The following MIP variants were observed in gnomAD, a reference collection of about 807,000 sequenced individuals.
MIP encodes lens fiber major intrinsic protein.
A neutral mutation model predicts 21.8 loss-of-function variants in MIP; 14 were observed. The ratio of observed to expected loss-of-function variants is 0.64; its 90% CI spans 0.42 to 1.00. MIP has a LOEUF of 1.00. MIP is among the 50% of genes least tolerant of loss of function. The pLI is 0.00. For missense variants in MIP, 260 were observed against 333.5 expected (o/e 0.78, Z 1.72); for synonymous variants, 133 against 141.4 (o/e 0.94, Z 0.42).
chr12:56,452,628 C>T (rs901034775), intron 3 of MIP: 12 of 214,332 alleles, frequency 5.6e-5, no homozygotes, highest in Non-Finnish European at 8.7e-5. Context: ...ACACATTTCT[C>T]GTAATGTCCC....
At chr12:56,452,193 C>T (rs145538474) in intron 3 of MIP, among the ~76,000 whole-genome samples, 63 of 152,278 alleles carry the variant, frequency 4.1e-4, no homozygotes, top group South Asian at 8.3e-4. Context: ...TTCCACCCCA[C>T]CCCCATCAGC....
rs1225956755 is a variant in MIP, at chr12:56,451,460, G to A, written c.612C>T (p.Tyr204=). The change falls in exon 4 of 4, where the codon TAC becomes TAT. Residue 204 remains tyrosine (Y), a synonymous_variant. Coordinates refer to ENST00000652304, the MANE Select transcript of MIP (RefSeq NM_012064.4). ...LTGNFTNHWV[Y]WVGPIIGGGL... is the part of the protein sequence containing the mutation. Reference sequence around the variant, plus strand: ...CCCCTCCAATGATTGGGCCTACCCAGTACACCTGTAGAAAGAGAAAAGGAA... The same window carrying A: ...CCCCTCCAATGATTGGGCCTACCCAATACACCTGTAGAAAGAGAAAAGGAA... 1 of 1,613,912 alleles carries A rather than the reference G, an allele frequency of 6.2e-7. No individual in the cohort carries two copies. Among genetic ancestry groups the A allele is most frequent in the Non-Finnish European group, 8.5e-7 (1 of 1,179,966 alleles).
intron 2 of MIP, 39 bp from the exon 3 acceptor site, chr12:56,453,191 T>C (rs769472444): frequency 3.5e-6 from 5 of 1,424,302 alleles, no homozygotes; most frequent in South Asian, 1.1e-5. Flanking sequence ...ACCCCCCTAC[T>C]GCACCCCAGC....
chr12:56,451,903 G>A (rs1394974823), intron 3 of MIP, among the ~76,000 whole-genome samples: 2 of 152,096 alleles, frequency 1.3e-5, no homozygotes, highest in Non-Finnish European at 1.5e-5. Context: ...GTAGCTGGGC[G>A]TGGTGGCAGG....
chr12:56,453,501 G>A (rs1470051511), intron 2 of MIP, 90 bp downstream of exon 2: 4 of 1,416,052 alleles, frequency 2.8e-6, no homozygotes, highest in Non-Finnish European at 3.0e-6. Context: ...ATGTTTGACA[G>A]TGAAGTAGGC....
At position 56,453,738 on chromosome 12, in the gene MIP, G is replaced by A. The variant is rs35033450; in HGVS notation, c.378C>T (p.Ser126=). ...LALNTLHPAV[S]VGQATTVEIF... ...TCTCCACTGTGGTTGCCTGGCCCAC[G>A]CTCACCGCAGGGTGCAACTGTGCAA... The change falls in exon 2 of 4, where the codon AGC becomes AGT. Residue 126 remains serine, a synonymous_variant. Coordinates refer to ENST00000652304, the MANE Select transcript of MIP (RefSeq NM_012064.4). 410 of 1,613,746 alleles carry A rather than the reference G, an allele frequency of 2.5e-4. 3 individuals carry two copies. The East Asian group carries it at 6.4e-3, about 25-fold the overall frequency.
rs1190373280 is a variant in MIP at position 56,450,084 on chromosome 12, T to C, written c.*1196A>G. The stretch of plus-strand genomic sequence containing the variant: ...AGGGCTCAAACAAATAATAATCTCC[T>C]GAATTATTAAGCATTTGAATAGAAG... On this transcript the variant is annotated 3_prime_UTR_variant, in exon 4 of 4. Transcript: ENST00000652304. 1 of 151,532 alleles carries C rather than the reference T, an allele frequency of 6.6e-6. No homozygotes were observed. The highest frequency in any genetic ancestry group is 6.6e-5 in the Admixed American group (1 of 15,196). The allele number at this position is 151,532 out of a possible 1,614,324, so 9.4% of individuals were successfully genotyped here.
rs1296979567 is a variant in MIP, at chr12:56,453,762, A to C, written c.361-7T>G. On this transcript the variant is annotated splice_polypyrimidine_tract_variant and splice_region_variant and intron_variant, in intron 1 of 3. Transcript: ENST00000652304. ...CGCTCACCGCAGGGTGCAACTGTGC[A>C]AAGGAAGAAGAAGAGAGACAGCTCA... 6.2e-7 allele frequency: 1 copy of C among 1,612,264 alleles called. No homozygotes were observed. The highest frequency in any genetic ancestry group is 2.2e-5 in the East Asian group (1 of 44,860).
chr12:56,453,027 C>T, intron 3 of MIP, 45 bp downstream of exon 3: 1 of 1,335,570 alleles, frequency 7.5e-7, no homozygotes, highest in Non-Finnish European at 1.1e-6. Context: ...CAGTCCACAA[C>T]CATCCAGAAG....
intron 3 of MIP, chr12:56,452,729 G>C (rs1565694048): frequency 2.7e-6 from 1 of 370,632 alleles, no homozygotes; most frequent in African/African-American, 2.1e-5. Context: ...GAATGGGGCT[G>C]AGGCCCATCT....
Position 56,454,466 on chromosome 12 carries a change from A to G in MIP, c.148T>C (p.Leu50=). ...HVLQVAMAFG[L]ALATLVQSVG... is the part of the protein sequence containing the mutation. Reference sequence around the variant, plus strand: ...GACTGCACCAGTGTAGCCAGGGCCAAGCCAAATGCCATAGCCACCTGCAGA... The same window carrying G: ...GACTGCACCAGTGTAGCCAGGGCCAGGCCAAATGCCATAGCCACCTGCAGA... The change falls in exon 1 of 4, where the codon TTG becomes CTG. Residue 50 remains leucine (L), a synonymous_variant. Coordinates refer to ENST00000652304, the MANE Select transcript of MIP (RefSeq NM_012064.4). 2 of 1,613,512 alleles carry G rather than the reference A, an allele frequency of 1.2e-6. No homozygotes were observed. Among genetic ancestry groups the G allele is most frequent in the Non-Finnish European group, 1.7e-6 (2 of 1,179,528 alleles).
In MIP at chr12:56,451,484, A is replaced by C; in HGVS notation, c.607-19T>G. ...AGTACACCTGTAGAAAGAGAAAAGG[A>C]ATACTCAGGCTTGGGGAGGGGACAG... On this transcript the variant is annotated intron_variant, in intron 3 of 3. Transcript: ENST00000652304. 3 of 1,612,738 alleles carry C rather than the reference A, an allele frequency of 1.9e-6. No individual in the cohort carries two copies. The highest frequency in any genetic ancestry group is 2.5e-6 in the Non-Finnish European group (3 of 1,178,952).
chr12:56,454,204 A>G, intron 1 of MIP, 50 bp downstream of exon 1: 3 of 1,613,246 alleles, frequency 1.9e-6, no homozygotes, highest in Non-Finnish European at 2.5e-6. Flanking sequence ...AGTCAGGGCA[A>G]TAGAGAGACA....
chr12:56,452,647 G>A, intron 3 of MIP: 1 of 222,174 alleles, frequency 4.5e-6, no homozygotes, highest in South Asian at 6.7e-5. Flanking sequence ...CCATTTTATA[G>A]TAAAACAAAC....
chr12:56,451,400 GA>G lies in MIP; in HGVS notation c.671del (p.Phe224SerfsTer35). 6.2e-7 allele frequency: 1 copy of G among 1,614,142 alleles called. No homozygotes were observed. The highest frequency in any genetic ancestry group is 8.5e-7 in the Non-Finnish European group (1 of 1,180,032). ...LGSLLYDFLL[F>X]PRLKSISERL... The stretch of plus-strand genomic sequence containing the variant: ...TCTCAGAAATACTCTTGAGCCGGGG[GA>G]AGAGAAGAAAGTCGTACAGGAGGCT... On this transcript the variant is annotated frameshift_variant, in exon 4 of 4. Coordinates refer to ENST00000652304, the MANE Select transcript of MIP (RefSeq NM_012064.4). LOFTEE classifies it high-confidence loss of function.
rs1273098206 is a variant in MIP, at chr12:56,454,505, C to CAGGA, written c.105_108dup (p.Gly37SerfsTer71). ...GCCACCTGCAGAACATGCAGGGGTCCAGGAGCCCAGCGCAGTGAGGACCCC... is the reference window on the plus strand; with the variant it reads ...GCCACCTGCAGAACATGCAGGGGTCCAGGAAGGAGCCCAGCGCAGTGAGGACCCC... On this transcript the variant is annotated frameshift_variant, in exon 1 of 4. Transcript: ENST00000652304. LOFTEE classifies it high-confidence loss of function. 1 of 1,612,730 alleles carries CAGGA rather than the reference C, an allele frequency of 6.2e-7. No homozygotes were observed. Among genetic ancestry groups the CAGGA allele is most frequent in the Non-Finnish European group, 8.5e-7 (1 of 1,179,192 alleles).
chr12:56,454,720 GA>G (rs1490307744), upstream of MIP: 2 of 1,423,968 alleles, frequency 1.4e-6, no homozygotes, highest in African/African-American at 2.8e-5. Context: ...GGGGCAGGCT[GA>G]GGTAGCAGGC....
chr12:56,456,383 T>A (rs1392906747), upstream of MIP, among the ~76,000 whole-genome samples: 2 of 152,176 alleles, frequency 1.3e-5, no homozygotes, highest in Admixed American at 6.5e-5. Context: ...ACGCCTGTAA[T>A]CTCAGCACTT....
intron 2 of MIP, among the ~76,000 whole-genome samples, chr12:56,453,376 A>G (rs1170072244): frequency 6.6e-6 from 1 of 152,228 alleles, no homozygotes; most frequent in Non-Finnish European, 1.5e-5. Flanking sequence ...ATGTCTAGCC[A>G]TGATACGTTC....
Sources: gnomAD v4.1 joint callset for allele counts (sites outside exome capture counted in the v4.1 genomes callset) on GRCh38, gnomAD v4.1.1 for gene constraint, MANE v1.5 for transcripts, NCBI Gene and HGNC (gene_info 2026-07-23, HGNC 2026-07-21) for gene names.